CEACAM20: variants seen among roughly 807,000 people sequenced by gnomAD.
CEACAM20 encodes the protein CEA cell adhesion molecule 20.
In CEACAM20, 50 loss-of-function variants were observed where a neutral mutation model predicts 61.2. The ratio of observed to expected loss-of-function variants is 0.82; its 90% CI spans 0.65 to 1.03. The LOEUF is 1.03. Among genes scored for constraint, CEACAM20 ranks in the 50% least tolerant of loss-of-function variants. The probability of loss-of-function intolerance (pLI) is 0.00; values close to 1 mark genes in which losing one functional copy is unlikely to be tolerated. For missense variants in CEACAM20, 683 were observed against 736.4 expected, an observed-to-expected ratio of 0.93 and a Z score of 0.84; for synonymous variants, 282 against 287.7, an observed-to-expected ratio of 0.98 and a Z score of 0.20.
rs1460971653 is a variant in CEACAM20, at chr19:44,525,035, A to G, written c.196+66T>C. 3.2e-6 allele frequency: 5 copies of G among 1,579,414 alleles called. No individual in the cohort carries two copies. The South Asian group carries it at 3.5e-5, about 11-fold the overall frequency. On this transcript the variant is annotated intron_variant, in intron 2 of 11. Transcript: ENST00000614924. ...TCGTCCTCTGGGGACTTTGGGCGTG[A>G]GGTTCGGATGAGGGATCTCCATGGA...
intron 9 of CEACAM20, 122 bp downstream of exon 9, chr19:44,511,895 C>A: frequency 9.9e-7 from 1 of 1,005,900 alleles, no homozygotes; most frequent in Non-Finnish European, 1.5e-6. Context: ...GGAGGAGATG[C>A]AGAGAGACTT....
At chr19:44,513,007 C>G (rs1971048984) in intron 7 of CEACAM20, 54 bp from the exon 8 acceptor site, 2 of 1,465,490 alleles carry the variant, frequency 1.4e-6, no homozygotes, top group African/African-American at 1.4e-5. Context: ...CCCATCTCCA[C>G]AGGTTCTGCC....
intron 6 of CEACAM20, among the ~76,000 whole-genome samples, 171 bp from the exon 7 acceptor site, chr19:44,513,460 T>TC (rs1971069132): frequency 3.3e-5 from 5 of 150,574 alleles, no homozygotes; most frequent in African/African-American, 9.8e-5. Flanking sequence ...TTTTTTTTTT[T>TC]TCAGACAGGG....
intron 11 of CEACAM20, 73 bp from the exon 12 acceptor site, chr19:44,506,287 G>A: frequency 7.7e-7 from 1 of 1,300,646 alleles, no homozygotes; most frequent in Non-Finnish European, 1.1e-6. Flanking sequence ...GTAGTCTGGG[G>A]CCCAAACAGC....
chr19:44,526,818 G>A (rs1005923965), intron 1 of CEACAM20, among the ~76,000 whole-genome samples: 2 of 151,762 alleles, frequency 1.3e-5, no homozygotes, highest in Non-Finnish European at 2.9e-5. Flanking sequence ...AGGTTGTCGT[G>A]AGCCGAGATT....
At chr19:44,506,297 C>G in intron 11 of CEACAM20, 83 bp from the exon 12 acceptor site, 1 of 1,215,816 alleles carries the variant, frequency 8.2e-7, no homozygotes, top group Middle Eastern at 2.0e-4. Flanking sequence ...GCCCAAACAG[C>G]CTGGAGCTTT....
intron 10 of CEACAM20, 82 bp from the exon 11 acceptor site, chr19:44,511,237 A>T: frequency 6.6e-7 from 1 of 1,525,344 alleles, no homozygotes; most frequent in East Asian, 2.3e-5. Context: ...TCAGGGACCG[A>T]GAGAGTGGAA....
rs1380242024 is a variant in CEACAM20 at position 44,524,050 on chromosome 19, G to A, written c.408C>T (p.Tyr136=). ...GAAGGGCATCTCGAGCTTCACATTG[G>A]TAAGTCCCTGAGTCCTCCCGCTGGA... ...LIVQREDSGT[Y]QCEARDALLS... Residue 136 remains tyrosine (Y), a synonymous_variant, in exon 3 of 12, where the codon TAC becomes TAT. Transcript: ENST00000614924. 1.3e-6 allele frequency: 2 copies of A among 1,564,472 alleles called. No homozygotes were observed. The highest frequency in any genetic ancestry group is 2.3e-5 in the East Asian group (1 of 42,788).
intron 11 of CEACAM20, among the ~76,000 whole-genome samples, chr19:44,507,458 T>C (rs1970851573): frequency 6.6e-6 from 1 of 152,186 alleles, no homozygotes; most frequent in Admixed American, 6.5e-5. Context: ...TTATATATAC[T>C]CTGAAGTTAT....
At chr19:44,515,310 T>C (rs1235381) in intron 6 of CEACAM20, among the ~76,000 whole-genome samples, 67,121 of 151,908 alleles carry the variant, frequency 0.44, 15,181 homozygotes, top group Middle Eastern at 0.6. Flanking sequence ...TACATGATCT[T>C]ATTCAAATCC....
chr19:44,514,758 C>A (rs1971105535), intron 6 of CEACAM20, among the ~76,000 whole-genome samples: 1 of 151,972 alleles, frequency 6.6e-6, no homozygotes, highest in Admixed American at 6.6e-5. Context: ...CATGCCTGGC[C>A]GCATCTCCAT....
chr19:44,528,047 T>C (rs912481983), intron 1 of CEACAM20, among the ~76,000 whole-genome samples: 6 of 152,062 alleles, frequency 3.9e-5, no homozygotes, highest in Non-Finnish European at 5.9e-5. Context: ...AATCTATTTC[T>C]GGCTGTGTAT....
chr19:44,526,983 C>A (rs1005287396), intron 1 of CEACAM20, among the ~76,000 whole-genome samples: 1 of 152,228 alleles, frequency 6.6e-6, no homozygotes, highest in South Asian at 2.1e-4. Flanking sequence ...TCAATTAACA[C>A]AGACCCTCTG....
At position 44,518,099 on chromosome 19, in the gene CEACAM20, AAAGAAAGG is replaced by A. The variant is rs1443398176; in HGVS notation, c.1031-883_1031-876del. On this transcript the variant is annotated intron_variant, in intron 5 of 11. Transcript: ENST00000614924. The stretch of plus-strand genomic sequence containing the variant: ...GGAAAGAGGAAAGAAAGAAAGAAAG[AAAGAAAGG>A]AAGGAAGGAAGGAAGGAAGGAAGGA... Among the ~76,000 whole-genome samples, 117 of 102,632 alleles carry A rather than the reference AAAGAAAGG, an allele frequency of 1.1e-3. 1 individual carries two copies. The highest frequency in any genetic ancestry group is 1.6e-3 in the Non-Finnish European group (90 of 55,168). 67.3% of individuals were successfully genotyped at this position (102,632 alleles called of 152,430 possible). A position where few individuals can be genotyped will look rare whatever the true frequency, so the allele number is the denominator to read the frequency against.
chr19:44,515,132 C>T (rs967942739), intron 6 of CEACAM20, among the ~76,000 whole-genome samples: 2 of 152,118 alleles, frequency 1.3e-5, no homozygotes, highest in Non-Finnish European at 2.9e-5. Context: ...GCCACAGTGC[C>T]CGGCCTCTAT....
intron 5 of CEACAM20, among the ~76,000 whole-genome samples, chr19:44,517,732 A>G (rs1329006415): frequency 1.3e-5 from 2 of 151,154 alleles, no homozygotes; most frequent in Non-Finnish European, 2.9e-5. Context: ...CTGCCTTTGT[A>G]AAAGTTAATT....
At chr19:44,508,159 T>C (rs1970872394) in intron 11 of CEACAM20, among the ~76,000 whole-genome samples, 1 of 152,226 alleles carries the variant, frequency 6.6e-6, no homozygotes, top group Admixed American at 6.5e-5. Flanking sequence ...GCCTCTCTCT[T>C]ATTCCTCCTC....
chr19:44,529,392 ACACC>A (rs1234935981), intron 1 of CEACAM20, 62 bp downstream of exon 1: 4 of 1,130,998 alleles, frequency 3.5e-6, no homozygotes, highest in Non-Finnish European at 5.2e-6. Flanking sequence ...ACACACACAC[ACACC>A]GCTGACAAAT....
At chr19:44,526,891 C>CAA (rs150307983) in intron 1 of CEACAM20, among the ~76,000 whole-genome samples, 11 of 144,170 alleles carry the variant, frequency 7.6e-5, no homozygotes, top group Admixed American at 3.4e-4. Context: ...AACAAACAAA[C>CAA]AAAAAAAAAA....
Sources: allele counts gnomAD v4.1 joint callset (sites outside exome capture counted in the v4.1 genomes callset), GRCh38; gene constraint gnomAD v4.1.1; transcripts MANE v1.5; gene names NCBI Gene and HGNC (gene_info 2026-07-23, HGNC 2026-07-21).